Variants in LPP observed in about 807,000 individuals in gnomAD.
LPP encodes the protein LIM domain containing preferred translocation partner in lipoma, also known as lipoma-preferred partner.
LPP carries 38 observed loss-of-function variants against 60.4 expected under a neutral mutation model. The ratio of observed to expected loss-of-function variants is 0.63; its 90% CI spans 0.49 to 0.83. LPP has a LOEUF of 0.83. Among genes scored for constraint, LPP ranks in the 40% least tolerant of loss-of-function variants. The pLI is 0.00. For missense variants in LPP, 902 were observed against 783.6 expected (o/e 1.15, Z -1.80); for synonymous variants, 328 against 290.8 (o/e 1.13, Z -1.30).
intron 5 of LPP, among the ~76,000 whole-genome samples, chr3:188,506,022 C>G (rs1048955795): frequency 1.3e-5 from 2 of 152,120 alleles, no homozygotes; most frequent in Admixed American, 1.3e-4. Context: ...GCTTCATATG[C>G]CAAGCCAATT....
intron 2 of LPP, among the ~76,000 whole-genome samples, chr3:188,283,918 A>C (rs1039544288): frequency 6.6e-6 from 1 of 152,004 alleles, no homozygotes; most frequent in Non-Finnish European, 1.5e-5. Flanking sequence ...TGGAGGTTGC[A>C]GTGAGCCGAG....
intron 7 of LPP, among the ~76,000 whole-genome samples, chr3:188,632,530 G>A (rs749260556): frequency 1.3e-5 from 2 of 152,140 alleles, no homozygotes; most frequent in Non-Finnish European, 1.5e-5. Context: ...CAAAGCAAAT[G>A]TACTAAAAGA....
At chr3:188,293,713 G>A (rs55886273) in intron 2 of LPP, among the ~76,000 whole-genome samples, 1 of 152,244 alleles carries the variant, frequency 6.6e-6, no homozygotes, top group Non-Finnish European at 1.5e-5. Flanking sequence ...AAGGAATAAA[G>A]TACTGATATG....
chr3:188,241,046 T>A (rs1724488554), intron 2 of LPP, among the ~76,000 whole-genome samples: 1 of 152,272 alleles, frequency 6.6e-6, no homozygotes, highest in East Asian at 1.9e-4. Context: ...AGCAAGACAG[T>A]GAGAATGTCC....
At chr3:188,284,564 T>C (rs1413010171) in intron 2 of LPP, among the ~76,000 whole-genome samples, 1 of 152,146 alleles carries the variant, frequency 6.6e-6, no homozygotes, top group African/African-American at 2.4e-5. Flanking sequence ...AGGCTTTCTG[T>C]AGCTACCATC....
At chr3:188,846,988 A>G (rs1037996927) in intron 9 of LPP, among the ~76,000 whole-genome samples, 2 of 152,226 alleles carry the variant, frequency 1.3e-5, no homozygotes, top group African/African-American at 2.4e-5. Context: ...GAGGTCAGAT[A>G]CCTATACATT....
At chr3:188,450,542 C>T (rs867311436) in intron 4 of LPP, among the ~76,000 whole-genome samples, 3 of 151,936 alleles carry the variant, frequency 2.0e-5, no homozygotes, top group African/African-American at 4.8e-5. Context: ...GTCATGAGTT[C>T]GAGACCAGCC....
chr3:188,571,241 GT>G (rs1366700905), intron 6 of LPP, among the ~76,000 whole-genome samples: 6 of 152,034 alleles, frequency 3.9e-5, no homozygotes, highest in African/African-American at 1.4e-4. Context: ...TCACATTCAT[GT>G]TCATGTATAA....
At chr3:188,239,018 C>A in intron 2 of LPP, among the ~76,000 whole-genome samples, 1 of 152,116 alleles carries the variant, frequency 6.6e-6, no homozygotes, top group Non-Finnish European at 1.5e-5. Context: ...TCAAAGAATC[C>A]ACATAAATCT....
intron 6 of LPP, among the ~76,000 whole-genome samples, chr3:188,594,901 G>A (rs1839687700): frequency 6.6e-6 from 1 of 151,866 alleles, no homozygotes; most frequent in African/African-American, 2.4e-5. Context: ...TTCACATATA[G>A]GACTTTTATC....
At chr3:188,576,013 G>C (rs1273370732) in intron 6 of LPP, among the ~76,000 whole-genome samples, 1 of 152,126 alleles carries the variant, frequency 6.6e-6, no homozygotes, top group Non-Finnish European at 1.5e-5. Context: ...CTGTCATCTG[G>C]ATACTTTCCA....
intron 4 of LPP, among the ~76,000 whole-genome samples, chr3:188,433,642 GAGA>G (rs1791570254): frequency 2.7e-5 from 4 of 149,908 alleles, no homozygotes; most frequent in African/African-American, 7.4e-5. Context: ...AAAGGAGAGA[GAGA>G]AGGAGGGAGA....
chr3:188,263,820 C>T (rs1008448348), intron 2 of LPP, among the ~76,000 whole-genome samples: 1 of 152,238 alleles, frequency 6.6e-6, no homozygotes, highest in Non-Finnish European at 1.5e-5. Context: ...CTCTCATTTT[C>T]CTGCCTCCCT....
At chr3:188,701,213 C>T (rs1577090599) in intron 7 of LPP, among the ~76,000 whole-genome samples, 1 of 152,196 alleles carries the variant, frequency 6.6e-6, no homozygotes, top group South Asian at 2.1e-4. Context: ...AGAAGCAAGT[C>T]TTCATTACTG....
intron 9 of LPP, among the ~76,000 whole-genome samples, chr3:188,789,891 G>A (rs569880065): frequency 4.6e-5 from 7 of 152,168 alleles, no homozygotes; most frequent in East Asian, 1.9e-4. Flanking sequence ...CAGACCAGCC[G>A]GCATTTATAA....
intron 9 of LPP, among the ~76,000 whole-genome samples, chr3:188,824,937 T>C (rs1351246122): frequency 6.6e-6 from 1 of 152,144 alleles, no homozygotes; most frequent in South Asian, 2.1e-4. Context: ...GAATGACGAA[T>C]GAAGGGACAT....
intron 2 of LPP, among the ~76,000 whole-genome samples, chr3:188,266,063 A>G (rs1224972405): frequency 1.3e-5 from 2 of 152,080 alleles, no homozygotes; most frequent in African/African-American, 4.8e-5. Context: ...AAGTGCGGCA[A>G]TGCAGGCTTC....
rs576569533 is a variant in LPP at position 188,340,834 on chromosome 3, T to C, written c.-66-829T>C. ...CTAGGAAACATAAGTCAAAGAGATA[T>C]TCTCTTGCCTAATGTGCTTATAATG... On this transcript the variant is annotated intron_variant, in intron 2 of 11. Transcript: ENST00000617246. Among the ~76,000 whole-genome samples, 34 of 152,334 alleles carry C rather than the reference T, an allele frequency of 2.2e-4. 1 individual carries two copies. The East Asian group carries it at 3.9e-3, about 17-fold the overall frequency.
intron 6 of LPP, among the ~76,000 whole-genome samples, chr3:188,579,515 A>G (rs1835549619): frequency 6.6e-6 from 1 of 152,252 alleles, no homozygotes; most frequent in East Asian, 1.9e-4. Context: ...ATACATGTTC[A>G]TCATGTTTCT....
Sources: allele counts gnomAD v4.1 joint callset (sites outside exome capture counted in the v4.1 genomes callset), GRCh38; gene constraint gnomAD v4.1.1; transcripts MANE v1.5; gene names NCBI Gene and HGNC (gene_info 2026-07-23, HGNC 2026-07-21).